The following CACNA1D variants were observed in gnomAD, a reference collection of about 807,000 sequenced individuals.
CACNA1D encodes voltage-dependent L-type calcium channel subunit alpha-1D.
CACNA1D carries 55 observed loss-of-function variants against 257.1 expected under a neutral mutation model. The observed-to-expected ratio is 0.21, with a 90% confidence interval of 0.17 to 0.27. The LOEUF (loss-of-function observed/expected upper bound fraction) is 0.27. Ranked by LOEUF, CACNA1D falls within the 10% of genes least tolerant of loss-of-function variation. CACNA1D has a pLI of 1.00. For synonymous variants in CACNA1D, 980 were observed against 1,014.9 expected (o/e 0.97, Z 0.65); for missense variants, 1,876 against 2,784.0 (o/e 0.67, Z 7.34).
intron 8 of CACNA1D, among the ~76,000 whole-genome samples, chr3:53,687,302 C>T (rs887703994): frequency 6.6e-6 from 1 of 151,864 alleles, no homozygotes; most frequent in Non-Finnish European, 1.5e-5. Flanking sequence ...TTGCAAATGA[C>T]CTCTAATGAA....
chr3:53,781,536 T>G (rs376903340), intron 38 of CACNA1D, 30 bp from the exon 39 acceptor site: 1 of 1,460,626 alleles, frequency 6.8e-7, no homozygotes, highest in Non-Finnish European at 9.6e-7. Context: ...AAATGAGGCT[T>G]GCTTTTCCCC....
chr3:53,735,359 G>A lies in CACNA1D; in HGVS notation c.2622-15G>A, dbSNP rs1334982899. 3.7e-6 allele frequency: 6 copies of A among 1,613,662 alleles called. No homozygotes were observed. The highest frequency in any genetic ancestry group is 1.7e-5 in the Admixed American group (1 of 60,030). On this transcript the variant is annotated splice_polypyrimidine_tract_variant and intron_variant, in intron 19 of 47. Coordinates refer to ENST00000350061, the MANE Select transcript of CACNA1D (RefSeq NM_001128840.3). ...CTATCTGGGACTGTTTCCAAGCAGC[G>A]GCTTTTCCCTGCAGGATCCGCGTAG...
chr3:53,590,602 A>G (rs571312949), intron 3 of CACNA1D, among the ~76,000 whole-genome samples: 4 of 152,354 alleles, frequency 2.6e-5, no homozygotes, highest in African/African-American at 9.6e-5. Flanking sequence ...GGTTCACAAA[A>G]CAACTGTGGT....
chr3:53,810,427 C>T (rs772318854), intron 47 of CACNA1D, 129 bp downstream of exon 47: 33 of 872,682 alleles, frequency 3.8e-5, no homozygotes, highest in Non-Finnish European at 5.8e-5. Flanking sequence ...TCAGACACTT[C>T]TGAGCAGCAG....
intron 44 of CACNA1D, 37 bp downstream of exon 44, chr3:53,803,609 G>A (rs200598636): frequency 4.4e-5 from 71 of 1,607,382 alleles, no homozygotes; most frequent in Middle Eastern, 3.6e-4. Context: ...GCGGGAGGCC[G>A]CCCTGCCCTG....
chr3:53,624,567 T>C (rs1300019430), intron 3 of CACNA1D, among the ~76,000 whole-genome samples: 1 of 152,140 alleles, frequency 6.6e-6, no homozygotes, highest in Non-Finnish European at 1.5e-5. Context: ...TAATCACCCA[T>C]CTGGAAGGCG....
At position 53,800,683 on chromosome 3, in the gene CACNA1D, C is replaced by T; in HGVS notation, c.5040+318C>T. ...CGGCAGCTGCCTTTGCTACCCTCCTCCTTCCCGGGCCAGCTCTTTGATCTG... is the reference window on the plus strand; with the variant it reads ...CGGCAGCTGCCTTTGCTACCCTCCTTCTTCCCGGGCCAGCTCTTTGATCTG... On this transcript the variant is annotated intron_variant, in intron 41 of 47. Transcript: ENST00000350061. The surrounding 1 kb of genome is among the most constrained non-coding windows in gnomAD (Gnocchi z 4.3). 1 of 494,506 alleles carries T rather than the reference C, an allele frequency of 2.0e-6. No individual in the cohort carries two copies. The highest frequency in any genetic ancestry group is 2.0e-5 in the South Asian group (1 of 49,424). The allele number at this position is 494,506 out of a possible 1,614,324, so 30.6% of individuals were successfully genotyped here.
intron 21 of CACNA1D, 45 bp from the exon 22 acceptor site, chr3:53,742,966 C>T (rs898106006): frequency 1.9e-5 from 24 of 1,282,698 alleles, no homozygotes; most frequent in Non-Finnish European, 2.7e-5. Context: ...GTTTCTTTTC[C>T]TTTGGAGACA....
In CACNA1D at chr3:53,723,126, G is replaced by A. The variant is rs1187220682; in HGVS notation, c.1667-308G>A. Among the ~76,000 whole-genome samples the A allele has an allele frequency of 6.6e-6, 1 of 152,144 alleles. No individual in the cohort carries two copies. Among genetic ancestry groups the A allele is most frequent in the Non-Finnish European group, 1.5e-5 (1 of 68,030 alleles). On this transcript the variant is annotated intron_variant, in intron 12 of 47. Transcript: ENST00000350061. This position sits in a 1 kb window ranked among gnomAD's most constrained non-coding sequence, Gnocchi z 5.6. The stretch of plus-strand genomic sequence containing the variant: ...CGCAGAATCGTAGGCTTTTAGGGCT[G>A]GAAGGAGTCAGAGATTATGTGATGA...
chr3:53,660,051 CAAA>C, intron 4 of CACNA1D, 79 bp from the exon 5 acceptor site: 1 of 1,304,222 alleles, frequency 7.7e-7, no homozygotes. Flanking sequence ...TAGCCCTTTT[CAAA>C]AATAAATAAG....
Position 53,702,752 on chromosome 3 carries a change from A to G in CACNA1D, c.1332A>G (p.Gln444=). The G allele has an allele frequency of 6.2e-7, 1 of 1,614,230 alleles. No individual in the cohort carries two copies. Among genetic ancestry groups the G allele is most frequent in the African/African-American group, 1.3e-5 (1 of 75,056 alleles). ...AGGGCTACTTGGATTGGATCACCCA[A>G]GCTGAGGACATCGATCCGGAGAATG... ...DLKGYLDWIT[Q]AEDIDPENEE... Residue 444 remains glutamine, a synonymous_variant, in exon 9 of 48, where the codon CAA becomes CAG. Coordinates refer to ENST00000350061, the MANE Select transcript of CACNA1D (RefSeq NM_001128840.3).
At chr3:53,706,779 C>T (rs947834136) in intron 9 of CACNA1D, among the ~76,000 whole-genome samples, 4 of 152,168 alleles carry the variant, frequency 2.6e-5, no homozygotes, top group Non-Finnish European at 4.4e-5. Context: ...TCCACCCTCC[C>T]ACCCTTCTGT....
intron 4 of CACNA1D, among the ~76,000 whole-genome samples, chr3:53,652,726 T>C (rs1157499800): frequency 6.6e-6 from 1 of 152,230 alleles, no homozygotes; most frequent in Admixed American, 6.5e-5. Flanking sequence ...GCCAATGGGC[T>C]AAGTCCTAGC....
chr3:53,520,999 T>C (rs62251862), intron 3 of CACNA1D, among the ~76,000 whole-genome samples: 30,087 of 151,070 alleles, frequency 0.2, 3,365 homozygotes, highest in Non-Finnish European at 0.25. Context: ...TTTCTTTCTT[T>C]CTTCTTTTTT....
intron 3 of CACNA1D, among the ~76,000 whole-genome samples, chr3:53,553,519 ATG>A (rs2092577587): frequency 6.6e-6 from 1 of 152,130 alleles, no homozygotes; most frequent in African/African-American, 2.4e-5. Context: ...TTAAAATGTA[ATG>A]TGTGTGTATG....
At chr3:53,759,365 A>G (rs775636010) in intron 29 of CACNA1D, among the ~76,000 whole-genome samples, 1 of 152,242 alleles carries the variant, frequency 6.6e-6, no homozygotes, top group Non-Finnish European at 1.5e-5. Context: ...ATAAAATCTC[A>G]AAGTCAGAGG....
At chr3:53,665,153 T>C (rs2094248739) in intron 5 of CACNA1D, among the ~76,000 whole-genome samples, 1 of 152,216 alleles carries the variant, frequency 6.6e-6, no homozygotes, top group Non-Finnish European at 1.5e-5. Context: ...TCACAATCCC[T>C]TTGGCCTTTT....
chr3:53,528,307 C>T (rs2091834088), intron 3 of CACNA1D, among the ~76,000 whole-genome samples: 1 of 152,124 alleles, frequency 6.6e-6, no homozygotes, highest in Non-Finnish European at 1.5e-5. Context: ...CATTTAATTG[C>T]TTTGGTACCT....
intron 40 of CACNA1D, chr3:53,790,844 T>C (rs1262976603): frequency 1.6e-6 from 1 of 637,260 alleles, no homozygotes; most frequent in Non-Finnish European, 2.8e-6. Context: ...TAGTGGAGTT[T>C]TGTTTTGTTA....
Sources: allele counts gnomAD v4.1 joint callset (sites outside exome capture counted in the v4.1 genomes callset), GRCh38; gene constraint gnomAD v4.1.1; non-coding constraint Gnocchi (gnomAD v3.1); transcripts MANE v1.5; gene names NCBI Gene and HGNC (gene_info 2026-07-23, HGNC 2026-07-21).